Variants in SIGLEC1 observed in about 807,000 individuals in gnomAD.
SIGLEC1 encodes the protein sialic acid binding Ig like lectin 1, also known as sialoadhesin.
Under a neutral mutation model 148.0 loss-of-function variants are expected in SIGLEC1, and 132 were observed. The ratio of observed to expected loss-of-function variants is 0.89; its 90% CI spans 0.77 to 1.03. SIGLEC1 has a LOEUF of 1.03. Among genes scored for constraint, SIGLEC1 ranks in the 50% least tolerant of loss-of-function variants. The pLI, the probability that SIGLEC1 is intolerant of heterozygous loss-of-function variation, is 0.00. For missense variants in SIGLEC1, 2,253 were observed against 2,271.4 expected, an observed-to-expected ratio of 0.99 and a Z score of 0.16; for synonymous variants, 945 against 969.0, an observed-to-expected ratio of 0.98 and a Z score of 0.46.
intron 8 of SIGLEC1, among the ~76,000 whole-genome samples, chr20:3,698,783 A>AGCCTCCCCGCTTGGC (rs1412329405): frequency 6.6e-6 from 1 of 152,150 alleles, no homozygotes; most frequent in Non-Finnish European, 1.5e-5. Flanking sequence ...TCTTACACGG[A>AGCCTCCCCGCTTGGC]GCCTCCCCGC....
Position 3,689,631 on chromosome 20 carries a change from G to A in SIGLEC1, c.4966C>T (p.Leu1656=). 6.3e-7 allele frequency: 1 copy of A among 1,588,464 alleles called. No homozygotes were observed. Among genetic ancestry groups the A allele is most frequent in the South Asian group, 1.1e-5 (1 of 87,184 alleles). Residue 1656 remains leucine (L), a synonymous_variant, in exon 20 of 22, where the codon CTG becomes TTG. Coordinates refer to ENST00000344754, the MANE Select transcript of SIGLEC1 (RefSeq NM_023068.4). ...GTGTAGCAGGCCCCCAGGCCCAACA[G>A]CAGGAGCAGGAGGCCCACCAGCAGT... ...LGLLVGLLLL[L]LGLGACYTWR...
Position 3,698,152 on chromosome 20 carries a change from T to G in SIGLEC1, c.1787-19A>C. 6.4e-7 allele frequency: 1 copy of G among 1,555,416 alleles called. No homozygotes were observed. Among genetic ancestry groups the G allele is most frequent in the South Asian group, 1.2e-5 (1 of 84,494 alleles). ...GGGGGGTCTGCAGGGAGGAAGAACA[T>G]GGGCACTCATCCCACGGATGCTCCA... On this transcript the variant is annotated intron_variant, in intron 8 of 21. Coordinates refer to ENST00000344754, the MANE Select transcript of SIGLEC1 (RefSeq NM_023068.4).
At chr20:3,697,369 G>T in intron 9 of SIGLEC1, 27 bp from the exon 10 acceptor site, 2 of 1,610,628 alleles carry the variant, frequency 1.2e-6, no homozygotes, top group South Asian at 2.2e-5. Context: ...ACAGCTTACT[G>T]ACCACCCCCG....
At chr20:3,702,989 A>G (rs913159088) in intron 6 of SIGLEC1, 2 of 581,908 alleles carry the variant, frequency 3.4e-6, no homozygotes, top group Non-Finnish European at 3.0e-6. Flanking sequence ...GCAACTTTTC[A>G]TAAGTTTAAA....
At chr20:3,700,096 C>T (rs2087838049) in intron 7 of SIGLEC1, among the ~76,000 whole-genome samples, 1 of 136,626 alleles carries the variant, frequency 7.3e-6, no homozygotes, top group South Asian at 2.5e-4. Context: ...GTGTGAGCCA[C>T]TGTGGCCAGC....
In SIGLEC1 at chr20:3,693,679, C is replaced by A. The variant is rs2088790808; in HGVS notation, c.3276G>T (p.Trp1092Cys). ...FDAQAVNVQV[W>C]PGATVREGQL... Reference sequence around the variant, plus strand: ...GCCCCTCCCGCACGGTAGCCCCGGGCCACACCTGCACATTCACAGCTGGGG... The same window carrying A: ...GCCCCTCCCGCACGGTAGCCCCGGGACACACCTGCACATTCACAGCTGGGG... Residue 1092 changes from tryptophan to cysteine, a missense_variant, in exon 14 of 22, where the codon TGG becomes TGT. By Grantham distance (215) the Trp-to-Cys change is radical. Transcript: ENST00000344754. 6.3e-7 allele frequency: 1 copy of A among 1,593,352 alleles called. No homozygotes were observed. The highest frequency in any genetic ancestry group is 2.2e-5 in the East Asian group (1 of 44,626).
At chr20:3,703,707 C>T (rs1336947043) in intron 5 of SIGLEC1, 118 bp downstream of exon 5, 1 of 1,365,794 alleles carries the variant, frequency 7.3e-7, no homozygotes, top group African/African-American at 1.4e-5. Context: ...ACACCTGCAT[C>T]CAGGAAGCAC....
At chr20:3,707,638 A>T (rs1200527194) in intron 1 of SIGLEC1, among the ~76,000 whole-genome samples, 1 of 152,174 alleles carries the variant, frequency 6.6e-6, no homozygotes, top group African/African-American at 2.4e-5. Flanking sequence ...TACTAACTAT[A>T]GACCATAATG....
chr20:3,697,710 G>C, intron 9 of SIGLEC1, 88 bp downstream of exon 9: 1 of 1,226,180 alleles, frequency 8.2e-7, no homozygotes, highest in Non-Finnish European at 1.2e-6. Flanking sequence ...TGCACAGAGT[G>C]GTTTTGCCTG....
In SIGLEC1 at chr20:3,687,629, C is replaced by T. The variant is rs1298119526; in HGVS notation, c.*931G>A. The T allele has an allele frequency of 6.6e-6, 1 of 152,184 alleles. No homozygotes were observed. The highest frequency in any genetic ancestry group is 1.5e-5 in the Non-Finnish European group (1 of 68,056). The allele number at this position is 152,184 out of a possible 1,614,324, so 9.4% of individuals were successfully genotyped here. On this transcript the variant is annotated 3_prime_UTR_variant, in exon 22 of 22. Coordinates refer to ENST00000344754, the MANE Select transcript of SIGLEC1 (RefSeq NM_023068.4). ...CTTAGTGTGAGAGTGATCACCTCTT[C>T]CAGGAAGCCCACAACCAGAATGGCC...
At position 3,692,501 on chromosome 20, in the gene SIGLEC1, G is replaced by T; in HGVS notation, c.4030+20C>A. The T allele has an allele frequency of 1.3e-6, 2 of 1,568,010 alleles. No individual in the cohort carries two copies. The highest frequency in any genetic ancestry group is 8.6e-7 in the Non-Finnish European group (1 of 1,163,778). On this transcript the variant is annotated intron_variant, in intron 16 of 21. Coordinates refer to ENST00000344754, the MANE Select transcript of SIGLEC1 (RefSeq NM_023068.4). ...ACCACCCTCCTCCTGGGCAGCCCTG[G>T]CCAAGGACCCTCTGCTCACAGAGGA...
Position 3,689,706 on chromosome 20 carries a change from G to C in SIGLEC1, c.4895-4C>G, listed in dbSNP as rs2146516890. 6.4e-7 allele frequency: 1 copy of C among 1,568,602 alleles called. No homozygotes were observed. The highest frequency in any genetic ancestry group is 8.6e-7 in the Non-Finnish European group (1 of 1,156,942). On this transcript the variant is annotated splice_polypyrimidine_tract_variant and splice_region_variant and intron_variant, in intron 19 of 21. Coordinates refer to ENST00000344754, the MANE Select transcript of SIGLEC1 (RefSeq NM_023068.4). ...AACTGATGCAGGCGGTGCAGGGCTG[G>C]AACACAGAGCGGGACTCAGAGCAGC... is the stretch of plus-strand genomic sequence containing the variant.
chr20:3,690,841 T>A (rs1568838225), intron 18 of SIGLEC1, among the ~76,000 whole-genome samples: 5 of 108,414 alleles, frequency 4.6e-5, no homozygotes, highest in Non-Finnish European at 5.6e-5. Context: ...TTTTTTTTTT[T>A]TTTTCTTGAG....
Position 3,699,364 on chromosome 20 carries a change from G to C in SIGLEC1, c.1624C>G (p.Arg542Gly). Residue 542 changes from arginine (R) to glycine (G), a missense_variant, in exon 8 of 22, where the codon CGC (arginine) becomes GGC (glycine). Transcript: ENST00000344754. ...RSGLSPTPDARFSWYLNGALL... is the reference protein window; with the variant it reads ...RSGLSPTPDAGFSWYLNGALL... ...GCTCCATTCAGGTACCAGGAGAAGC[G>C]GGCATCAGGTGTGGGGCTTAGGCCG... is the stretch of plus-strand genomic sequence containing the variant. 1.2e-6 allele frequency: 2 copies of C among 1,608,832 alleles called. No individual in the cohort carries two copies. Among genetic ancestry groups the C allele is most frequent in the Non-Finnish European group, 1.7e-6 (2 of 1,178,418 alleles).
At chr20:3,706,069 C>A (rs952557157) in intron 3 of SIGLEC1, 29 bp from the exon 4 acceptor site, 2 of 1,593,246 alleles carry the variant, frequency 1.3e-6, no homozygotes, top group African/African-American at 2.7e-5. Flanking sequence ...GTGCTCAGGA[C>A]CCGCTTTTGC....
intron 6 of SIGLEC1, among the ~76,000 whole-genome samples, chr20:3,702,453 T>C (rs891663876): frequency 6.6e-6 from 1 of 151,930 alleles, no homozygotes; most frequent in Admixed American, 6.6e-5. Context: ...GGCAGGATGG[T>C]GGGTGCCTGT....
In SIGLEC1 at chr20:3,692,569, C is replaced by G. The variant is rs772233960; in HGVS notation, c.3982G>C (p.Asp1328His). ...HAGAYSCQAQ[D>H]AQGTRSSRPA... ...CGGGAGCTGCGGGTGCCCTGGGCAT[C>G]CTGGGCCTGGCAAGAGTAGGCGCCT... Residue 1328 changes from aspartate to histidine, a missense_variant, in exon 16 of 22, where the codon GAT becomes CAT. Asp to His is a moderately conservative substitution (Grantham distance 81, BLOSUM62 -1). Transcript: ENST00000344754. 4 of 1,610,020 alleles carry G rather than the reference C, an allele frequency of 2.5e-6. No individual in the cohort carries two copies. Among genetic ancestry groups the G allele is most frequent in the Non-Finnish European group, 3.4e-6 (4 of 1,179,692 alleles).
Position 3,704,108 on chromosome 20 carries a change from G to C in SIGLEC1, c.707-17C>G, listed in dbSNP as rs766019499. ...TGGGGGCATCTGCAAGTCACAGTAG[G>C]GGGTATTGGGTAAGGTGCTTGGGGA... On this transcript the variant is annotated splice_polypyrimidine_tract_variant and intron_variant, in intron 4 of 21. Coordinates refer to ENST00000344754, the MANE Select transcript of SIGLEC1 (RefSeq NM_023068.4). The C allele has an allele frequency of 3.1e-6, 5 of 1,606,660 alleles. No individual in the cohort carries two copies. The highest frequency in any genetic ancestry group is 1.7e-5 in the Admixed American group (1 of 59,656).
In SIGLEC1 at chr20:3,693,011, C is replaced by T. The variant is rs749207473; in HGVS notation, c.3629G>A (p.Arg1210His). 75 of 1,611,780 alleles carry T rather than the reference C, an allele frequency of 4.7e-5. No individual in the cohort carries two copies. The highest frequency in any genetic ancestry group is 5.8e-5 in the Non-Finnish European group (69 of 1,179,724). Residue 1210 changes from arginine (R) to histidine (H), a missense_variant, in exon 15 of 22, where the codon CGC becomes CAC. Physicochemically the swap from Arg to His is conservative, Grantham distance 29 (BLOSUM62 0). Coordinates refer to ENST00000344754, the MANE Select transcript of SIGLEC1 (RefSeq NM_023068.4). Reference sequence around the variant, plus strand: ...GGCTGCTGTCGAGGAGGCCAAGAGGCGACCGGCGTGGCTGAGGGCCAGCTG... The same window carrying T: ...GGCTGCTGTCGAGGAGGCCAAGAGGTGACCGGCGTGGCTGAGGGCCAGCTG... ...PAQLALSHAGRLLASSTAASV... is the reference protein window; with the variant it reads ...PAQLALSHAGHLLASSTAASV...
Sources: allele counts gnomAD v4.1 joint callset (sites outside exome capture counted in the v4.1 genomes callset), GRCh38; gene constraint gnomAD v4.1.1; transcripts MANE v1.5; gene names NCBI Gene and HGNC (gene_info 2026-07-23, HGNC 2026-07-21).